ACACA: variants seen among roughly 807,000 people sequenced by gnomAD.
ACACA encodes acetyl-CoA carboxylase 1.
ACACA carries 103 observed loss-of-function variants against 296.1 expected under a neutral mutation model. The observed-to-expected ratio is 0.35, with a 90% CI of 0.30 to 0.41. ACACA has a LOEUF of 0.41. Ranked by LOEUF, ACACA falls within the 10% of genes least tolerant of loss-of-function variation. ACACA has a pLI of 1.00. For missense variants in ACACA, 1,554 were observed against 2,989.7 expected (o/e 0.52, Z 11.20); for synonymous variants, 953 against 1,038.6 (o/e 0.92, Z 1.58).
In ACACA at chr17:37,275,936, G is replaced by A. The variant is rs146619733; in HGVS notation, c.901+15C>T. On this transcript the variant is annotated intron_variant, in intron 8 of 55. Coordinates refer to ENST00000616317, the MANE Select transcript of ACACA (RefSeq NM_198834.3). ...ATTCTGTACTTCAAGATACAAACAAGAATTCAGTTCTTACCACTGCCGCTC... is the reference window on the plus strand; with the variant it reads ...ATTCTGTACTTCAAGATACAAACAAAAATTCAGTTCTTACCACTGCCGCTC... 3 of 1,605,238 alleles carry A rather than the reference G, an allele frequency of 1.9e-6. No homozygotes were observed. The highest frequency in any genetic ancestry group is 1.1e-5 in the South Asian group (1 of 90,928).
chr17:37,401,337 C>T (rs1162839544), intron 1 of ACACA, among the ~76,000 whole-genome samples: 1 of 151,322 alleles, frequency 6.6e-6, no homozygotes, highest in African/African-American at 2.4e-5. Flanking sequence ...GGAATACAAG[C>T]GCCCGCCACC....
chr17:37,171,635 A>T (rs1359833582), intron 41 of ACACA, among the ~76,000 whole-genome samples: 3 of 152,046 alleles, frequency 2.0e-5, no homozygotes, highest in Non-Finnish European at 4.4e-5. Context: ...GGCTGAACAA[A>T]CTCACCTCAA....
intron 1 of ACACA, among the ~76,000 whole-genome samples, chr17:37,380,629 G>A (rs967854210): frequency 2.6e-5 from 4 of 151,498 alleles, no homozygotes; most frequent in Admixed American, 6.6e-5. Flanking sequence ...ATGGTGTCTC[G>A]TTCTGTCACC....
In ACACA at chr17:37,362,802, C is replaced by G. The variant is rs1391694790; in HGVS notation, c.39-22952G>C. Among the ~76,000 whole-genome samples, 3 of 151,958 alleles carry G rather than the reference C, an allele frequency of 2.0e-5. No individual in the cohort carries two copies. The East Asian group carries it at 5.8e-4, about 30-fold the overall frequency. On this transcript the variant is annotated intron_variant, in intron 1 of 55. Coordinates refer to ENST00000616317, the MANE Select transcript of ACACA (RefSeq NM_198834.3). ...CATCCTGGCTAATGTGGTGAAACCC[C>G]GTCTCTACTAAAAACGCAAAAAATT...
At chr17:37,208,720 T>A (rs1321147056) in intron 30 of ACACA, among the ~76,000 whole-genome samples, 3 of 152,228 alleles carry the variant, frequency 2.0e-5, no homozygotes, top group African/African-American at 7.2e-5. Flanking sequence ...CAGTATGTAC[T>A]GATAAATAAT....
chr17:37,242,898 G>A (rs1057481199), intron 22 of ACACA, among the ~76,000 whole-genome samples: 2 of 152,090 alleles, frequency 1.3e-5, no homozygotes, highest in Non-Finnish European at 2.9e-5. Flanking sequence ...TAGCTGGCAT[G>A]GCAGCGTGTG....
At chr17:37,117,728 C>T (rs1392253427) in intron 50 of ACACA, among the ~76,000 whole-genome samples, 1 of 151,742 alleles carries the variant, frequency 6.6e-6, no homozygotes, top group Non-Finnish European at 1.5e-5. Flanking sequence ...TCTTGACATG[C>T]TTTTATTTAT....
chr17:37,202,333 AT>A (rs2078285197), intron 33 of ACACA, among the ~76,000 whole-genome samples: 1 of 152,182 alleles, frequency 6.6e-6, no homozygotes, highest in Admixed American at 6.5e-5. Flanking sequence ...TTCTGATTAC[AT>A]TGTAATAATG....
intron 41 of ACACA, among the ~76,000 whole-genome samples, chr17:37,178,530 TG>T: frequency 6.6e-6 from 1 of 152,348 alleles, no homozygotes; most frequent in African/African-American, 2.4e-5. Context: ...AAATCCTGGC[TG>T]GGCACAATGG....
At chr17:37,151,882 G>C (rs561195704) in intron 43 of ACACA, among the ~76,000 whole-genome samples, 1 of 151,846 alleles carries the variant, frequency 6.6e-6, no homozygotes, top group Non-Finnish European at 1.5e-5. Flanking sequence ...GGATGGTCTC[G>C]ATCTCCTGAG....
chr17:37,279,932 T>C (rs2082437499), intron 5 of ACACA, among the ~76,000 whole-genome samples: 1 of 152,178 alleles, frequency 6.6e-6, no homozygotes, highest in African/African-American at 2.4e-5. Context: ...ATATAATTCA[T>C]TTGACTACTA....
chr17:37,240,610 C>G (rs1355350159), intron 23 of ACACA, 46 bp from the exon 24 acceptor site: 1 of 1,543,600 alleles, frequency 6.5e-7, no homozygotes, highest in Non-Finnish European at 8.8e-7. Context: ...CAATCCAACA[C>G]TATTAAGCAA....
At chr17:37,138,082 A>G (rs1216947488) in intron 45 of ACACA, among the ~76,000 whole-genome samples, 4 of 152,234 alleles carry the variant, frequency 2.6e-5, no homozygotes, top group African/African-American at 9.6e-5. Context: ...CCGGTCAAAA[A>G]TCAGCCAGAA....
chr17:37,288,091 C>T (rs1455142174), intron 3 of ACACA, among the ~76,000 whole-genome samples: 1 of 152,174 alleles, frequency 6.6e-6, no homozygotes, highest in Admixed American at 6.5e-5. Context: ...GTTTCATGGT[C>T]ATTTCAATGT....
At chr17:37,126,455 T>C (rs1009256278) in intron 47 of ACACA, among the ~76,000 whole-genome samples, 5 of 152,182 alleles carry the variant, frequency 3.3e-5, no homozygotes, top group South Asian at 2.1e-4. Context: ...TCCTTGCACA[T>C]AGAATTTCCT....
chr17:37,262,078 A>G (rs1395864808), intron 11 of ACACA, among the ~76,000 whole-genome samples: 2 of 152,080 alleles, frequency 1.3e-5, no homozygotes, highest in Admixed American at 1.3e-4. Flanking sequence ...GACAAAGGCT[A>G]TGTGTGCTCT....
rs114167855 is a variant in ACACA at position 37,322,805 on chromosome 17, G to A, written c.338+7368C>T. On this transcript the variant is annotated intron_variant, in intron 3 of 55. Coordinates refer to ENST00000616317, the MANE Select transcript of ACACA (RefSeq NM_198834.3). ...ACTCGGGGCCGTCAGAGAAGAGTCCGGCCTCCAGGAGCCCTGATTCCTGGG... is the reference window on the plus strand; with the variant it reads ...ACTCGGGGCCGTCAGAGAAGAGTCCAGCCTCCAGGAGCCCTGATTCCTGGG... Among the ~76,000 whole-genome samples the A allele has an allele frequency of 5.3e-3, 814 of 152,272 alleles. 4 individuals are homozygous for A. The highest frequency in any genetic ancestry group is 0.019 in the African/African-American group (776 of 41,548).
Position 37,274,176 on chromosome 17 carries a change from T to C in ACACA, c.1008+17A>G, listed in dbSNP as rs759369114. ...TGGTCAGCTGAAAGGTATCACTCCCTGGAGTTAGTAACCTACCTGTAGCCC... is the reference window on the plus strand; with the variant it reads ...TGGTCAGCTGAAAGGTATCACTCCCCGGAGTTAGTAACCTACCTGTAGCCC... On this transcript the variant is annotated intron_variant, in intron 9 of 55. Coordinates refer to ENST00000616317, the MANE Select transcript of ACACA (RefSeq NM_198834.3). 6.3e-7 allele frequency: 1 copy of C among 1,598,210 alleles called. No homozygotes were observed. The highest frequency in any genetic ancestry group is 1.3e-5 in the African/African-American group (1 of 74,688).
intron 54 of ACACA, among the ~76,000 whole-genome samples, chr17:37,089,332 C>CCTGA (rs2072451861): frequency 6.6e-6 from 1 of 152,212 alleles, no homozygotes; most frequent in Non-Finnish European, 1.5e-5. Flanking sequence ...GTGCTCATAC[C>CCTGA]CTGACTCTGT....
Sources: gnomAD v4.1 joint callset for allele counts (sites outside exome capture counted in the v4.1 genomes callset) on GRCh38, gnomAD v4.1.1 for gene constraint, MANE v1.5 for transcripts, NCBI Gene and HGNC (gene_info 2026-07-23, HGNC 2026-07-21) for gene names.